Variants in GSE1 observed in about 807,000 individuals in gnomAD.
GSE1 encodes Gse1 coiled-coil protein.
In GSE1, 32 loss-of-function variants were observed where a neutral mutation model predicts 112.6. The ratio of observed to expected loss-of-function variants is 0.28; its 90% CI spans 0.21 to 0.38. The LOEUF is 0.38. Ranked by LOEUF, GSE1 falls within the 10% of genes least tolerant of loss-of-function variation. GSE1 has a pLI of 1.00. For synonymous variants in GSE1, 1,115 were observed against 735.6 expected (o/e 1.52, Z -8.35); for missense variants, 2,348 against 1,699.2 (o/e 1.38, Z -6.71).
chr16:85,345,445 T>A (rs1219807005), intron 1 of GSE1, among the ~76,000 whole-genome samples: 1 of 152,240 alleles, frequency 6.6e-6, no homozygotes, highest in Non-Finnish European at 1.5e-5. Context: ...GCAAATGTGC[T>A]GCTGCCTCTG....
intron 1 of GSE1, among the ~76,000 whole-genome samples, chr16:85,245,008 A>AAT (rs1555546178): frequency 2.7e-5 from 3 of 110,280 alleles, no homozygotes. Context: ...AAAAAAAAAA[A>AAT]TTTTTTTTCC....
chr16:85,493,790 C>CA (rs61555687), intron 2 of GSE1, among the ~76,000 whole-genome samples: 36,303 of 83,954 alleles, frequency 0.43, 6,667 homozygotes, highest in Middle Eastern at 0.49. Flanking sequence ...GACTCCGTCT[C>CA]AAAAAAAAAA....
At chr16:85,672,357 C>T (rs780909737) in intron 15 of GSE1, 48 bp from the exon 16 acceptor site, 5 of 1,488,308 alleles carry the variant, frequency 3.4e-6, no homozygotes, top group Middle Eastern at 1.7e-4. Flanking sequence ...CATGCTTGTC[C>T]TTACAGAGGA....
At chr16:85,519,816 C>A (rs946321529) in intron 2 of GSE1, among the ~76,000 whole-genome samples, 2 of 152,242 alleles carry the variant, frequency 1.3e-5, no homozygotes, top group Non-Finnish European at 2.9e-5. Context: ...CTGTCATCGT[C>A]ATTCATGGCT....
intron 2 of GSE1, among the ~76,000 whole-genome samples, chr16:85,495,259 G>A (rs1293274883): frequency 6.6e-6 from 1 of 152,056 alleles, no homozygotes; most frequent in Non-Finnish European, 1.5e-5. Context: ...TGCCCGTAAT[G>A]TTTTCTGAGG....
At chr16:85,498,659 C>T (rs1175030537) in intron 2 of GSE1, among the ~76,000 whole-genome samples, 3 of 152,252 alleles carry the variant, frequency 2.0e-5, no homozygotes, top group African/African-American at 7.2e-5. Flanking sequence ...ACACCCCCCA[C>T]ACTCACACGT....
intron 1 of GSE1, among the ~76,000 whole-genome samples, chr16:85,606,132 C>T (rs772009770): frequency 1.3e-5 from 2 of 152,218 alleles, no homozygotes; most frequent in East Asian, 1.9e-4. Flanking sequence ...CTCCAGCAGG[C>T]CTGCCAGGTA....
At chr16:85,511,211 T>C (rs1249842675) in intron 2 of GSE1, among the ~76,000 whole-genome samples, 2 of 152,170 alleles carry the variant, frequency 1.3e-5, no homozygotes, top group Non-Finnish European at 2.9e-5. Flanking sequence ...TCCCTTTCTA[T>C]GTGTGGTAGG....
intron 1 of GSE1, among the ~76,000 whole-genome samples, chr16:85,614,735 C>T (rs1267906012): frequency 6.6e-6 from 1 of 152,190 alleles, no homozygotes; most frequent in African/African-American, 2.4e-5. Flanking sequence ...GTACAAAGTG[C>T]GTTTAAAACA....
At chr16:85,180,018 G>C (rs114935469) in intron 1 of GSE1, among the ~76,000 whole-genome samples, 12 of 152,316 alleles carry the variant, frequency 7.9e-5, no homozygotes, top group Middle Eastern at 3.4e-3. Flanking sequence ...ATGTGTTGGC[G>C]GGGGGCTGTG....
chr16:85,526,144 C>T (rs900058633), intron 2 of GSE1, among the ~76,000 whole-genome samples: 29 of 152,348 alleles, frequency 1.9e-4, no homozygotes, highest in Admixed American at 7.2e-4. Flanking sequence ...GCCCACCAGC[C>T]GGACATCTCT....
chr16:85,566,336 C>A (rs1291032211), intron 1 of GSE1, among the ~76,000 whole-genome samples: 2 of 152,216 alleles, frequency 1.3e-5, no homozygotes, highest in African/African-American at 2.4e-5. Context: ...GTCCGCCAGC[C>A]CAGGCCACGC....
rs148335355 is a variant in GSE1 at position 85,260,796 on chromosome 16, C to T, written c.2283+88989C>T. ...GCTTCCCTGTTGCCCCTGCACTGTA[C>T]TGGGAGCCCCCACCCCTGCATGACA... is the stretch of plus-strand genomic sequence containing the variant. On this transcript the variant is annotated intron_variant, in intron 1 of 2. Transcript: ENST00000637419. Among the ~76,000 whole-genome samples, 3 of 152,370 alleles carry T rather than the reference C, an allele frequency of 2.0e-5. No individual in the cohort carries two copies. The East Asian group carries it at 5.8e-4, about 29-fold the overall frequency.
At chr16:85,654,650 C>T (rs1031157438) in intron 4 of GSE1, 144 bp from the exon 5 acceptor site, 4 of 722,826 alleles carry the variant, frequency 5.5e-6, no homozygotes, top group South Asian at 1.7e-5. Flanking sequence ...CCCCCCGCTG[C>T]TTAAGCCCCG....
chr16:85,520,869 G>A (rs1397861829), intron 2 of GSE1, among the ~76,000 whole-genome samples: 2 of 152,164 alleles, frequency 1.3e-5, no homozygotes, highest in East Asian at 1.9e-4. Flanking sequence ...ACAGGGCAGC[G>A]TCCTAAGTAC....
intron 2 of GSE1, among the ~76,000 whole-genome samples, chr16:85,467,221 C>T (rs761044333): frequency 2.0e-5 from 3 of 152,162 alleles, no homozygotes; most frequent in African/African-American, 7.2e-5. Context: ...GGGGCCGGAG[C>T]GAGCCAGCCT....
intron 1 of GSE1, among the ~76,000 whole-genome samples, chr16:85,322,362 G>A (rs953682927): frequency 2.0e-5 from 3 of 152,192 alleles, no homozygotes; most frequent in Non-Finnish European, 4.4e-5. Context: ...GAGAACTCCC[G>A]GAGGCTTCTG....
chr16:85,637,551 G>T (rs966703490), intron 2 of GSE1, among the ~76,000 whole-genome samples: 1 of 152,190 alleles, frequency 6.6e-6, no homozygotes, highest in Non-Finnish European at 1.5e-5. Context: ...GATCGCGGCA[G>T]TGGCTGTGTA....
chr16:85,253,063 C>CCA (rs1906667946), intron 1 of GSE1, among the ~76,000 whole-genome samples: 1 of 75,486 alleles, frequency 1.3e-5, no homozygotes, highest in Non-Finnish European at 2.9e-5. Context: ...CCCCCGCCCC[C>CCA]CCCCCACCCC....
Sources: allele counts gnomAD v4.1 joint callset (sites outside exome capture counted in the v4.1 genomes callset), GRCh38; gene constraint gnomAD v4.1.1; transcripts MANE v1.5; gene names NCBI Gene and HGNC (gene_info 2026-07-23, HGNC 2026-07-21).